MAGI2: variants seen among roughly 807,000 people sequenced by gnomAD.
The protein encoded by MAGI2 is membrane-associated guanylate kinase, WW and PDZ domain-containing protein 2.
MAGI2 carries 35 observed loss-of-function variants against 133.3 expected under a neutral mutation model. The observed-to-expected ratio is 0.26, with a 90% CI of 0.20 to 0.35. MAGI2 has a LOEUF of 0.35. Among genes scored for constraint, MAGI2 ranks in the 10% least tolerant of loss-of-function variants. The probability of loss-of-function intolerance (pLI) is 1.00; values close to 1 mark genes in which losing one functional copy is unlikely to be tolerated. For missense variants in MAGI2, 1,636 were observed against 1,863.4 expected, an observed-to-expected ratio of 0.88 and a Z score of 2.25; for synonymous variants, 729 against 710.6, an observed-to-expected ratio of 1.03 and a Z score of -0.41.
At chr7:78,834,506 A>G (rs942532844) in intron 2 of MAGI2, among the ~76,000 whole-genome samples, 3 of 152,200 alleles carry the variant, frequency 2.0e-5, no homozygotes, top group African/African-American at 7.2e-5. Flanking sequence ...ATGTCATAGC[A>G]TGTATCAGTT....
intron 9 of MAGI2, among the ~76,000 whole-genome samples, chr7:78,288,904 A>C (rs1796420696): frequency 6.6e-6 from 1 of 152,116 alleles, no homozygotes; most frequent in Non-Finnish European, 1.5e-5. Context: ...TGTTAGAAGG[A>C]AAACTAACAA....
At chr7:78,712,914 T>C (rs541235840) in intron 2 of MAGI2, among the ~76,000 whole-genome samples, 2 of 152,278 alleles carry the variant, frequency 1.3e-5, no homozygotes, top group African/African-American at 4.8e-5. Context: ...AATTTTAGTG[T>C]GAATGTTTTG....
At chr7:78,713,817 G>A (rs771547926) in intron 2 of MAGI2, among the ~76,000 whole-genome samples, 1 of 152,024 alleles carries the variant, frequency 6.6e-6, no homozygotes, top group Admixed American at 6.6e-5. Context: ...CATACAGAAC[G>A]TTTTACCTCA....
intron 10 of MAGI2, chr7:78,251,718 C>G (rs921327280): frequency 6.6e-6 from 1 of 151,982 alleles, no homozygotes; most frequent in Non-Finnish European, 1.5e-5. Context: ...ATTAAAGATC[C>G]AAATAAGTGA....
Position 78,882,356 on chromosome 7 carries a change from T to C in MAGI2, c.418+124734A>G, listed in dbSNP as rs939308277. ...GTGAACAGACCAACATTGAATTCTG[T>C]TATTGAAATAGTCATAAAAAACCTG... On this transcript the variant is annotated intron_variant, in intron 2 of 21. Transcript: ENST00000354212. Among the ~76,000 whole-genome samples the C allele has an allele frequency of 1.4e-4, 21 of 151,838 alleles. 1 individual carries two copies. The highest frequency in any genetic ancestry group is 2.9e-5 in the Non-Finnish European group (2 of 67,934).
chr7:78,273,667 C>T (rs1009681991), intron 9 of MAGI2, among the ~76,000 whole-genome samples: 18 of 152,154 alleles, frequency 1.2e-4, no homozygotes, highest in East Asian at 7.7e-4. Context: ...CTTCTCTTCT[C>T]GCTTTTTTTC....
chr7:78,259,961 T>C (rs934225536), intron 9 of MAGI2, among the ~76,000 whole-genome samples: 1 of 152,192 alleles, frequency 6.6e-6, no homozygotes, highest in Admixed American at 6.6e-5. Context: ...TTTATGGATA[T>C]TTTCCACTAA....
intron 13 of MAGI2, among the ~76,000 whole-genome samples, chr7:78,179,514 G>A (rs1027711991): frequency 7.2e-5 from 11 of 152,296 alleles, no homozygotes; most frequent in South Asian, 2.1e-4. Flanking sequence ...CTTCTGAGAC[G>A]TGGGCAAATG....
intron 9 of MAGI2, among the ~76,000 whole-genome samples, chr7:78,317,761 G>A (rs1345943417): frequency 6.6e-6 from 1 of 152,202 alleles, no homozygotes; most frequent in African/African-American, 2.4e-5. Flanking sequence ...TATGGTGGGT[G>A]CCCCACTAGG....
chr7:79,302,450 C>T (rs1250047698), intron 1 of MAGI2, among the ~76,000 whole-genome samples: 1 of 152,114 alleles, frequency 6.6e-6, no homozygotes, highest in Admixed American at 6.6e-5. Context: ...CAGTGAAATA[C>T]CCTGAAGATT....
chr7:78,249,192 T>C (rs1009042277), intron 10 of MAGI2, among the ~76,000 whole-genome samples: 3 of 152,054 alleles, frequency 2.0e-5, no homozygotes, highest in Non-Finnish European at 4.4e-5. Context: ...AGATAGCTAT[T>C]AGCAAAAAGA....
At chr7:78,988,047 T>A (rs571046555) in intron 2 of MAGI2, among the ~76,000 whole-genome samples, 7 of 152,212 alleles carry the variant, frequency 4.6e-5, no homozygotes, top group African/African-American at 1.7e-4. Context: ...AATGCTAACA[T>A]TGCAAAGCTA....
intron 6 of MAGI2, among the ~76,000 whole-genome samples, chr7:78,448,923 G>A (rs192811600): frequency 8.7e-4 from 132 of 152,088 alleles, no homozygotes; most frequent in African/African-American, 3.1e-3. Flanking sequence ...ACAGTGTCTC[G>A]TAGAGCGAAA....
chr7:78,430,737 T>C (rs1027839105), intron 6 of MAGI2, among the ~76,000 whole-genome samples: 1 of 152,020 alleles, frequency 6.6e-6, no homozygotes, highest in Admixed American at 6.6e-5. Context: ...TTCCTGAGAT[T>C]CCCCCTAAGC....
At chr7:78,447,246 G>C (rs1439341707) in intron 6 of MAGI2, among the ~76,000 whole-genome samples, 2 of 151,916 alleles carry the variant, frequency 1.3e-5, no homozygotes, top group East Asian at 1.9e-4. Context: ...ACAGTGCAAT[G>C]TTTTGATATA....
At chr7:79,177,823 T>C (rs866584276) in intron 1 of MAGI2, among the ~76,000 whole-genome samples, 1 of 152,116 alleles carries the variant, frequency 6.6e-6, no homozygotes, top group Non-Finnish European at 1.5e-5. Flanking sequence ...ATCATTTCTC[T>C]GTTACCACAA....
At chr7:78,553,189 T>C (rs190605401) in intron 3 of MAGI2, among the ~76,000 whole-genome samples, 427 of 152,076 alleles carry the variant, frequency 2.8e-3, no homozygotes, top group Middle Eastern at 0.017. Flanking sequence ...GGTAGCAAAA[T>C]GCTGTACATT....
At chr7:78,395,841 A>T (rs1796301754) in intron 6 of MAGI2, among the ~76,000 whole-genome samples, 1 of 152,204 alleles carries the variant, frequency 6.6e-6, no homozygotes, top group African/African-American at 2.4e-5. Context: ...TTTTGGGTAA[A>T]GTGGATAAAG....
intron 21 of MAGI2, among the ~76,000 whole-genome samples, chr7:78,061,880 G>C (rs986820839): frequency 6.6e-6 from 1 of 152,186 alleles, no homozygotes; most frequent in African/African-American, 2.4e-5. Context: ...ATTAGATTTT[G>C]TTATCATAGT....
Sources: allele counts gnomAD v4.1 joint callset (sites outside exome capture counted in the v4.1 genomes callset), GRCh38; gene constraint gnomAD v4.1.1; transcripts MANE v1.5; gene names NCBI Gene and HGNC (gene_info 2026-07-23, HGNC 2026-07-21).